FSHB: variants seen among roughly 807,000 people sequenced by gnomAD.
The protein encoded by FSHB is follitropin subunit beta.
A neutral mutation model predicts 12.1 loss-of-function variants in FSHB; 8 were observed. That is an observed-to-expected ratio of 0.66 (90% CI 0.39 to 1.19). The LOEUF (loss-of-function observed/expected upper bound fraction) is 1.19. FSHB is among the 50% of genes most tolerant of loss of function. FSHB has a pLI of 0.01. For synonymous variants in FSHB, 55 were observed against 54.6 expected, an observed-to-expected ratio of 1.01 and a Z score of -0.04; for missense variants, 153 against 157.2, an observed-to-expected ratio of 0.97 and a Z score of 0.14.
intron 2 of FSHB, among the ~76,000 whole-genome samples, chr11:30,233,001 T>A (rs140640116): frequency 6.6e-6 from 1 of 152,290 alleles, no homozygotes; most frequent in Non-Finnish European, 1.5e-5. Flanking sequence ...AAAATTCTTA[T>A]ATGCAAACTG....
In FSHB at chr11:30,232,017, A is replaced by G. The variant is rs1852014444; in HGVS notation, c.115A>G (p.Ile39Val). ...AIEKEECRFCISINTTWCAGY... is the reference protein window; with the variant it reads ...AIEKEECRFCVSINTTWCAGY... ...AGAGAAAGAAGAATGTCGTTTCTGC[A>G]TAAGCATCAACACCACTTGGTGTGC... The change falls in exon 2 of 3, where the codon ATA becomes GTA. Residue 39 changes from isoleucine to valine, a missense_variant. Ile to Val is a conservative substitution (Grantham distance 29, BLOSUM62 3). Transcript: ENST00000533718. The G allele has an allele frequency of 1.2e-6, 2 of 1,613,884 alleles. No individual in the cohort carries two copies. The highest frequency in any genetic ancestry group is 1.1e-5 in the South Asian group (1 of 91,088).
Position 30,234,848 on chromosome 11 carries a change from A to G in FSHB, c.*1048A>G, listed in dbSNP as rs936203514. 2 of 152,160 alleles carry G rather than the reference A, an allele frequency of 1.3e-5. No homozygotes were observed. The highest frequency in any genetic ancestry group is 4.8e-5 in the African/African-American group (2 of 41,438). 9.4% of individuals were successfully genotyped at this position (152,160 alleles called of 1,614,324 possible). A position where few individuals can be genotyped will look rare whatever the true frequency, so the allele number is the denominator to read the frequency against. ...GTTTTCTAGGATCCTGTCTACATCAATCTTCTATTTTATCCATCCATGTTC... is the reference window on the plus strand; with the variant it reads ...GTTTTCTAGGATCCTGTCTACATCAGTCTTCTATTTTATCCATCCATGTTC... On this transcript the variant is annotated 3_prime_UTR_variant, in exon 3 of 3. Coordinates refer to ENST00000533718, the MANE Select transcript of FSHB (RefSeq NM_001382289.1).
chr11:30,233,546 T>C, intron 2 of FSHB, 24 bp from the exon 3 acceptor site: 1 of 1,575,474 alleles, frequency 6.3e-7, no homozygotes, highest in Non-Finnish European at 8.7e-7. Flanking sequence ...TACCATAACC[T>C]AACTCTCTTC....
intron 2 of FSHB, among the ~76,000 whole-genome samples, chr11:30,232,852 T>C (rs1852027573): frequency 6.6e-6 from 1 of 152,184 alleles, no homozygotes; most frequent in African/African-American, 2.4e-5. Flanking sequence ...ACTCCATTTA[T>C]TACACAATTT....
Position 30,234,138 on chromosome 11 carries a change from C to A in FSHB, c.*338C>A. The A allele has an allele frequency of 2.9e-6, 1 of 343,372 alleles. No individual in the cohort carries two copies. The highest frequency in any genetic ancestry group is 2.5e-5 in the South Asian group (1 of 40,648). 21.3% of individuals were successfully genotyped at this position (343,372 alleles called of 1,614,324 possible). A position where few individuals can be genotyped will look rare whatever the true frequency, so the allele number is the denominator to read the frequency against. ...GAAACATAAGCCTAGAAGGAGGAAG[C>A]AGTAATGGGAGTGAGTGAAAGAACT... On this transcript the variant is annotated 3_prime_UTR_variant, in exon 3 of 3. Transcript: ENST00000533718.
rs1455607834 is a variant in FSHB, at chr11:30,234,966, C to T, written c.*1166C>T. 6.6e-6 allele frequency: 1 copy of T among 152,060 alleles called. No individual in the cohort carries two copies. The highest frequency in any genetic ancestry group is 2.4e-5 in the African/African-American group (1 of 41,422). The allele number at this position is 152,060 out of a possible 1,614,324, so 9.4% of individuals were successfully genotyped here. On this transcript the variant is annotated 3_prime_UTR_variant, in exon 3 of 3. Transcript: ENST00000533718. ...ACGTGTTAACTGTCTTAGTTATGCA[C>T]TCAGTTTCACACTCATATTGTTTAA...
intron 1 of FSHB, 69 bp downstream of exon 1, chr11:30,231,117 T>C (rs999648424): frequency 6.6e-6 from 1 of 152,230 alleles, no homozygotes; most frequent in Non-Finnish European, 1.5e-5. Context: ...TGTCAGGACA[T>C]GGAGGACAAA....
intron 2 of FSHB, 121 bp downstream of exon 2, chr11:30,232,182 A>T: frequency 2.0e-6 from 2 of 1,000,108 alleles, no homozygotes; most frequent in Non-Finnish European, 3.0e-6. Flanking sequence ...CCTTTAGCCA[A>T]GACTGTCTGT....
chr11:30,232,190 T>C, intron 2 of FSHB, 129 bp downstream of exon 2: 1 of 931,970 alleles, frequency 1.1e-6, no homozygotes, highest in South Asian at 1.4e-5. Flanking sequence ...CAAGACTGTC[T>C]GTGTTGTGAT....
intron 1 of FSHB, among the ~76,000 whole-genome samples, chr11:30,231,431 A>G (rs771940463): frequency 3.3e-5 from 5 of 152,262 alleles, no homozygotes; most frequent in Non-Finnish European, 7.4e-5. Context: ...AAGGTTGAAG[A>G]TGCAGTGATT....
At position 30,233,703 on chromosome 11, in the gene FSHB, C is replaced by T. The variant is rs770834784; in HGVS notation, c.293C>T (p.Thr98Ile). ...TCCTTGTATACATACCCAGTGGCCA[C>T]CCAGTGTCACTGTGGCAAGTGTGAC... ...ADSLYTYPVA[T>I]QCHCGKCDSD... is the part of the protein sequence containing the mutation. The change falls in exon 3 of 3, where the codon ACC becomes ATC. Residue 98 changes from threonine (T) to isoleucine (I), a missense_variant. Coordinates refer to ENST00000533718, the MANE Select transcript of FSHB (RefSeq NM_001382289.1). 1 of 1,613,908 alleles carries T rather than the reference C, an allele frequency of 6.2e-7. No homozygotes were observed. The highest frequency in any genetic ancestry group is 1.3e-5 in the African/African-American group (1 of 74,910).
At position 30,233,716 on chromosome 11, in the gene FSHB, T is replaced by C. The variant is rs1852040481; in HGVS notation, c.306T>C (p.Cys102=). ...YTYPVATQCH[C]GKCDSDSTDC... ...ACCCAGTGGCCACCCAGTGTCACTG[T>C]GGCAAGTGTGACAGCGACAGCACTG... The change falls in exon 3 of 3, where the codon TGT becomes TGC. Residue 102 remains cysteine, a synonymous_variant. Transcript: ENST00000533718. 2 of 1,613,904 alleles carry C rather than the reference T, an allele frequency of 1.2e-6. No individual in the cohort carries two copies. Among genetic ancestry groups the C allele is most frequent in the Non-Finnish European group, 8.5e-7 (1 of 1,179,946 alleles).
chr11:30,233,933 T>A lies in FSHB; in HGVS notation c.*133T>A. 1 of 755,836 alleles carries A rather than the reference T, an allele frequency of 1.3e-6. No homozygotes were observed. Among genetic ancestry groups the A allele is most frequent in the Non-Finnish European group, 2.3e-6 (1 of 440,052 alleles). The allele number at this position is 755,836 out of a possible 1,614,324, so 46.8% of individuals were successfully genotyped here. A position where few individuals can be genotyped will look rare whatever the true frequency, so the allele number is the denominator to read the frequency against. ...ATTCAGACTCTACTGATCCCTGGTC[T>A]ACTGGCAGAGGGAACTCTGGGAATT... On this transcript the variant is annotated 3_prime_UTR_variant, in exon 3 of 3. Transcript: ENST00000533718.
Position 30,231,939 on chromosome 11 carries a change from T to C in FSHB, c.37T>C (p.Trp13Arg), listed in dbSNP as rs759481954. 1.9e-6 allele frequency: 3 copies of C among 1,613,998 alleles called. No individual in the cohort carries two copies. The Admixed American group carries it at 5.0e-5, about 27-fold the overall frequency. Residue 13 changes from tryptophan to arginine, a missense_variant, in exon 2 of 3, where the codon TGG becomes CGG. By Grantham distance (101) the Trp-to-Arg change is moderately radical. Coordinates refer to ENST00000533718, the MANE Select transcript of FSHB (RefSeq NM_001382289.1). The part of the protein sequence containing the change: ...TLQFFFLFCC[W>R]KAICCNSCEL... ...CCAGTTTTTCTTCCTTTTCTGTTGC[T>C]GGAAAGCAATCTGCTGCAATAGCTG... is the stretch of plus-strand genomic sequence containing the variant.
At chr11:30,233,240 A>C (rs887996663) in intron 2 of FSHB, among the ~76,000 whole-genome samples, 4 of 152,186 alleles carry the variant, frequency 2.6e-5, no homozygotes, top group Non-Finnish European at 4.4e-5. Context: ...TTTGTTATTA[A>C]TACAGCTTTC....
chr11:30,234,906 A>G lies in FSHB; in HGVS notation c.*1106A>G, dbSNP rs145887479. ...TCTGTGCTTTCTTTCAACAGGTTAT[A>G]TATTAAAACTATTTCATGAGTTGAT... On this transcript the variant is annotated 3_prime_UTR_variant, in exon 3 of 3. Coordinates refer to ENST00000533718, the MANE Select transcript of FSHB (RefSeq NM_001382289.1). 3 of 152,284 alleles carry G rather than the reference A, an allele frequency of 2.0e-5. No individual in the cohort carries two copies. Among genetic ancestry groups the G allele is most frequent in the East Asian group, 1.9e-4 (1 of 5,178 alleles). The allele number at this position is 152,284 out of a possible 1,614,324, so 9.4% of individuals were successfully genotyped here.
At position 30,234,221 on chromosome 11, in the gene FSHB, AGCATT is replaced by A; in HGVS notation, c.*423_*427del. 4.0e-6 allele frequency: 1 copy of A among 249,892 alleles called. No individual in the cohort carries two copies. Among genetic ancestry groups the A allele is most frequent in the Non-Finnish European group, 8.0e-6 (1 of 125,412 alleles). The allele number at this position is 249,892 out of a possible 1,614,324, so 15.5% of individuals were successfully genotyped here. Reference sequence around the variant, plus strand: ...CCTCTAGAGCAAGGTCAGCATCTTCAGCATTGTAGCGTCAATGCCTAGCACTCTGC... The same window carrying A: ...CCTCTAGAGCAAGGTCAGCATCTTCAGTAGCGTCAATGCCTAGCACTCTGC... On this transcript the variant is annotated 3_prime_UTR_variant, in exon 3 of 3. Transcript: ENST00000533718.
rs115600568 is a variant in FSHB, at chr11:30,233,475, T to C, written c.160-95T>C. 193 of 924,690 alleles carry C rather than the reference T, an allele frequency of 2.1e-4. No homozygotes were observed. In the African/African-American group the frequency reaches 2.7e-3, roughly 13 times the overall value. The allele number at this position is 924,690 out of a possible 1,614,324, so 57.3% of individuals were successfully genotyped here. A position where few individuals can be genotyped will look rare whatever the true frequency, so the allele number is the denominator to read the frequency against. ...AGGTCATGTTTTAATGGGTAAATGT[T>C]AGAGCAAGCAGTATTCAATTTCTGT... On this transcript the variant is annotated intron_variant, in intron 2 of 2. Transcript: ENST00000533718.
At position 30,234,232 on chromosome 11, in the gene FSHB, G is replaced by A. The variant is rs577349035; in HGVS notation, c.*432G>A. The A allele has an allele frequency of 1.7e-5, 4 of 236,190 alleles. No homozygotes were observed. The highest frequency in any genetic ancestry group is 2.0e-4 in the East Asian group (2 of 10,008). The allele number at this position is 236,190 out of a possible 1,614,324, so 14.6% of individuals were successfully genotyped here. A position where few individuals can be genotyped will look rare whatever the true frequency, so the allele number is the denominator to read the frequency against. On this transcript the variant is annotated 3_prime_UTR_variant, in exon 3 of 3. Transcript: ENST00000533718. ...AGGTCAGCATCTTCAGCATTGTAGC[G>A]TCAATGCCTAGCACTCTGCCTGGAA...
Sources: allele counts gnomAD v4.1 joint callset (sites outside exome capture counted in the v4.1 genomes callset), GRCh38; gene constraint gnomAD v4.1.1; transcripts MANE v1.5; gene names NCBI Gene and HGNC (gene_info 2026-07-23, HGNC 2026-07-21).